ARHGAP8: variants seen among roughly 807,000 people sequenced by gnomAD.
ARHGAP8 encodes the protein Rho GTPase activating protein 8.
Under a neutral mutation model 46.1 loss-of-function variants are expected in ARHGAP8, and 62 were observed. The observed-to-expected ratio is 1.34, with a 90% confidence interval of 1.10 to 1.66. The LOEUF is 1.66. Ranked by LOEUF, ARHGAP8 falls within the 40% of genes most tolerant of loss-of-function variation. The probability of loss-of-function intolerance (pLI) is 0.00; values close to 1 mark genes in which losing one functional copy is unlikely to be tolerated. For missense variants in ARHGAP8, 923 were observed against 568.4 expected, an observed-to-expected ratio of 1.62 and a Z score of -6.34; for synonymous variants, 375 against 243.1, an observed-to-expected ratio of 1.54 and a Z score of -5.05.
At chr22:44,766,931 G>A (rs562482025) in intron 1 of ARHGAP8, among the ~76,000 whole-genome samples, 61 of 152,360 alleles carry the variant, frequency 4.0e-4, no homozygotes, top group Admixed American at 1.6e-3. Context: ...CGCAGGTGGA[G>A]TGAGGAGGCT....
Position 44,845,256 on chromosome 22 carries a change from T to C in ARHGAP8, c.597-13T>C, listed in dbSNP as rs2069924903. ...TCAGGTAAAAACTGCGACTTTCTTT[T>C]CTGTTTTCTCAGCCTCAAAGACAAA... On this transcript the variant is annotated splice_polypyrimidine_tract_variant and intron_variant, in intron 7 of 11. Coordinates refer to ENST00000356099, the MANE Select transcript of ARHGAP8 (RefSeq NM_181335.3). 6.2e-7 allele frequency: 1 copy of C among 1,614,090 alleles called. No homozygotes were observed. Among genetic ancestry groups the C allele is most frequent in the East Asian group, 2.2e-5 (1 of 44,884 alleles).
At chr22:44,761,365 A>G (rs1219593008) in intron 1 of ARHGAP8, among the ~76,000 whole-genome samples, 1 of 152,192 alleles carries the variant, frequency 6.6e-6, no homozygotes, top group African/African-American at 2.4e-5. Flanking sequence ...AAGAAAATAA[A>G]TGGTTGTGTG....
intron 7 of ARHGAP8, among the ~76,000 whole-genome samples, chr22:44,836,999 C>T (rs1423593122): frequency 6.6e-6 from 1 of 152,164 alleles, no homozygotes; most frequent in Non-Finnish European, 1.5e-5. Context: ...ATTCTCCTGC[C>T]CCAGCCTCCT....
intron 10 of ARHGAP8, among the ~76,000 whole-genome samples, chr22:44,853,666 G>A (rs2070150072): frequency 2.0e-5 from 3 of 152,174 alleles, no homozygotes; most frequent in African/African-American, 7.2e-5. Context: ...TACCTTGCTA[G>A]AACTTTTAAT....
chr22:44,822,286 C>T (rs1471276288), intron 5 of ARHGAP8, 85 bp from the exon 6 acceptor site: 20 of 1,162,200 alleles, frequency 1.7e-5, no homozygotes, highest in African/African-American at 9.8e-5. Flanking sequence ...ATTGTTCTGC[C>T]GCCAACTCCC....
At chr22:44,764,472 G>T (rs1001256550) in intron 1 of ARHGAP8, among the ~76,000 whole-genome samples, 1 of 152,140 alleles carries the variant, frequency 6.6e-6, no homozygotes, top group Non-Finnish European at 1.5e-5. Flanking sequence ...GTGGTGGCGC[G>T]TGCGACGGTG....
At chr22:44,813,034 A>G (rs1166717257) in intron 4 of ARHGAP8, among the ~76,000 whole-genome samples, 1 of 152,138 alleles carries the variant, frequency 6.6e-6, no homozygotes, top group Non-Finnish European at 1.5e-5. Context: ...TTTCTGGCAC[A>G]GGATATGCCA....
At chr22:44,834,157 G>T in intron 7 of ARHGAP8, among the ~76,000 whole-genome samples, 1 of 151,954 alleles carries the variant, frequency 6.6e-6, no homozygotes, top group Middle Eastern at 3.4e-3. Context: ...TTCTACTCCA[G>T]TCTTTATTAT....
chr22:44,832,579 T>C (rs1931020154), intron 7 of ARHGAP8, among the ~76,000 whole-genome samples: 1 of 152,200 alleles, frequency 6.6e-6, no homozygotes, highest in Non-Finnish European at 1.5e-5. Context: ...GTTCTAGAAA[T>C]ACATTTTTTA....
chr22:44,796,067 C>A (rs1338705207), intron 2 of ARHGAP8, among the ~76,000 whole-genome samples: 1 of 152,202 alleles, frequency 6.6e-6, no homozygotes, highest in Non-Finnish European at 1.5e-5. Flanking sequence ...GACCTCAGTC[C>A]TTGCCCTGGC....
chr22:44,769,068 C>G (rs149883336), intron 1 of ARHGAP8, among the ~76,000 whole-genome samples: 100 of 152,278 alleles, frequency 6.6e-4, no homozygotes, highest in African/African-American at 2.2e-3. Context: ...CTCCAGACCT[C>G]AGGTGATCCG....
chr22:44,755,547 G>A (rs1232972161), intron 1 of ARHGAP8, among the ~76,000 whole-genome samples: 2 of 152,236 alleles, frequency 1.3e-5, no homozygotes, highest in African/African-American at 4.8e-5. Flanking sequence ...TCTGGGCCCT[G>A]CACTGTGGGA....
chr22:44,839,373 C>A (rs936837268), intron 7 of ARHGAP8, among the ~76,000 whole-genome samples: 2 of 152,130 alleles, frequency 1.3e-5, no homozygotes, highest in African/African-American at 4.8e-5. Context: ...AACCACCCAT[C>A]GAGATTGGAT....
At chr22:44,754,640 C>T (rs961040349) in intron 1 of ARHGAP8, among the ~76,000 whole-genome samples, 2 of 152,114 alleles carry the variant, frequency 1.3e-5, no homozygotes, top group Admixed American at 6.5e-5. Context: ...GCTGGGATTA[C>T]AGGCATGAGC....
At chr22:44,785,313 G>A (rs9614572) in intron 1 of ARHGAP8, among the ~76,000 whole-genome samples, 12,068 of 152,166 alleles carry the variant, frequency 0.079, 504 homozygotes, top group Middle Eastern at 0.1. Context: ...ACAACCTGGC[G>A]GCTTAAGACA....
chr22:44,862,353 T>C lies in ARHGAP8; in HGVS notation c.1060T>C (p.Ser354Pro). 2 of 1,614,054 alleles carry C rather than the reference T, an allele frequency of 1.2e-6. No individual in the cohort carries two copies. Among genetic ancestry groups the C allele is most frequent in the Admixed American group, 1.7e-5 (1 of 60,018 alleles). The change falls in exon 12 of 12, where the codon TCC becomes CCC. Residue 354 changes from serine (S) to proline (P), a missense_variant. Coordinates refer to ENST00000356099, the MANE Select transcript of ARHGAP8 (RefSeq NM_181335.3). ...CVFGLNLIWP[S>P]QGVSSLSALV... ...CTTCGGGCTGAATTTGATCTGGCCA[T>C]CCCAGGGGGTCTCCTCCCTGAGTGC...
intron 2 of ARHGAP8, among the ~76,000 whole-genome samples, chr22:44,798,769 C>G (rs1445808435): frequency 6.6e-6 from 1 of 151,942 alleles, no homozygotes; most frequent in Non-Finnish European, 1.5e-5. Flanking sequence ...CACTGAGGAG[C>G]TGGACTTTTT....
chr22:44,781,149 G>A (rs150017066), intron 1 of ARHGAP8, among the ~76,000 whole-genome samples: 39 of 152,290 alleles, frequency 2.6e-4, no homozygotes, highest in African/African-American at 8.2e-4. Flanking sequence ...ACCTACTGAC[G>A]ACCCGCCGCT....
At chr22:44,782,988 G>A (rs975862939) in intron 1 of ARHGAP8, among the ~76,000 whole-genome samples, 6 of 151,998 alleles carry the variant, frequency 3.9e-5, no homozygotes, top group African/African-American at 1.4e-4. Context: ...GTAGGGCCAC[G>A]GGGGTTTCCA....
Sources: allele counts gnomAD v4.1 joint callset (sites outside exome capture counted in the v4.1 genomes callset), GRCh38; gene constraint gnomAD v4.1.1; transcripts MANE v1.5; gene names NCBI Gene and HGNC (gene_info 2026-07-23, HGNC 2026-07-21).